STYXL1: variants seen among roughly 807,000 people sequenced by gnomAD.
STYXL1 encodes the protein serine/threonine/tyrosine-interacting-like protein 1.
In STYXL1, 32 loss-of-function variants were observed where a neutral mutation model predicts 36.4. The ratio of observed to expected loss-of-function variants is 0.88; its 90% CI spans 0.66 to 1.18. STYXL1 has a LOEUF of 1.18. STYXL1 is among the 50% of genes most tolerant of loss of function. The pLI, the probability that STYXL1 is intolerant of heterozygous loss-of-function variation, is 0.00. For synonymous variants in STYXL1, 133 were observed against 144.1 expected, an observed-to-expected ratio of 0.92 and a Z score of 0.55; for missense variants, 354 against 394.1, an observed-to-expected ratio of 0.90 and a Z score of 0.86.
intron 5 of STYXL1, among the ~76,000 whole-genome samples, chr7:76,008,314 C>T (rs527648081): frequency 5.2e-4 from 78 of 151,326 alleles, no homozygotes; most frequent in Non-Finnish European, 1.0e-3. Context: ...AGACCACTTT[C>T]TCCATTATTA....
chr7:76,010,373 A>C (rs948479989), intron 5 of STYXL1, among the ~76,000 whole-genome samples: 5 of 152,182 alleles, frequency 3.3e-5, no homozygotes, highest in African/African-American at 1.2e-4. Flanking sequence ...GGATCTGGGA[A>C]CATGTCTGAC....
At chr7:76,021,038 G>A (rs189649871) in intron 4 of STYXL1, among the ~76,000 whole-genome samples, 1 of 152,110 alleles carries the variant, frequency 6.6e-6, no homozygotes, top group Non-Finnish European at 1.5e-5. Context: ...ACAGCTGTTT[G>A]ATGTGTATTG....
intron 1 of STYXL1, among the ~76,000 whole-genome samples, chr7:76,031,398 G>A (rs1554579285): frequency 1.4e-5 from 2 of 145,852 alleles, no homozygotes; most frequent in Non-Finnish European, 3.0e-5. Context: ...GAGTAACCAA[G>A]GAAGTGATCA....
At chr7:76,011,100 C>T (rs533869118) in intron 5 of STYXL1, among the ~76,000 whole-genome samples, 2 of 152,198 alleles carry the variant, frequency 1.3e-5, no homozygotes, top group East Asian at 3.9e-4. Context: ...TCTGTAGTCC[C>T]ACCTACTCAA....
rs1055699510 is a variant in STYXL1, at chr7:76,047,870, T to G, written c.-213A>C. 141 of 1,351,744 alleles carry G rather than the reference T, an allele frequency of 1.0e-4. No homozygotes were observed. Among genetic ancestry groups the G allele is most frequent in the Admixed American group, 6.2e-5 (2 of 32,132 alleles). The allele number at this position is 1,351,744 out of a possible 1,614,324, so 83.7% of individuals were successfully genotyped here. A position where few individuals can be genotyped will look rare whatever the true frequency, so the allele number is the denominator to read the frequency against. On this transcript the variant is annotated 5_prime_UTR_variant, in exon 1 of 9. Transcript: ENST00000359697. Reference sequence around the variant, plus strand: ...CTAAAGCCCGTCCTCTTCCACCTCTTGGGTGCAGACTGGCCCTCCCACTCC... The same window carrying G: ...CTAAAGCCCGTCCTCTTCCACCTCTGGGGTGCAGACTGGCCCTCCCACTCC...
chr7:76,033,634 ACCT>A (rs1359787919), intron 1 of STYXL1, among the ~76,000 whole-genome samples: 1 of 151,874 alleles, frequency 6.6e-6, no homozygotes, highest in African/African-American at 2.4e-5. Flanking sequence ...GATCCTTCTC[ACCT>A]CCTCAAAGAC....
At chr7:76,045,561 G>A (rs1236800435) in intron 1 of STYXL1, 1 of 152,236 alleles carries the variant, frequency 6.6e-6, no homozygotes, top group South Asian at 2.1e-4. Flanking sequence ...GCCAGGTGTG[G>A]TGGTGCACAC....
intron 5 of STYXL1, among the ~76,000 whole-genome samples, chr7:76,013,343 A>AG (rs1309312479): frequency 2.0e-4 from 30 of 150,756 alleles, no homozygotes; most frequent in South Asian, 1.7e-3. Flanking sequence ...AAAAAAAAAA[A>AG]GTGGAGGAGA....
In STYXL1 at chr7:76,041,122, A is replaced by G. The variant is rs1201847549; in HGVS notation, c.-5+6540T>C. Among the ~76,000 whole-genome samples the G allele has an allele frequency of 4.0e-5, 6 of 151,240 alleles. No individual in the cohort carries two copies. In the South Asian group the frequency reaches 6.3e-4, roughly 16 times the overall value. ...GAGGCTGAGCTGGGAGAATCACTTG[A>G]GGCCAGGAATTCAAGACCAGCCTGA... On this transcript the variant is annotated intron_variant, in intron 1 of 8. Transcript: ENST00000359697.
chr7:76,029,811 T>C (rs1478274510), intron 2 of STYXL1, among the ~76,000 whole-genome samples: 1 of 151,966 alleles, frequency 6.6e-6, no homozygotes, highest in African/African-American at 2.4e-5. Context: ...CCTGTGAGAA[T>C]CTAATGCTGC....
At chr7:76,000,218 C>CAAAAAAAA (rs35153306) in intron 8 of STYXL1, among the ~76,000 whole-genome samples, 1 of 69,458 alleles carries the variant, frequency 1.4e-5, no homozygotes. Flanking sequence ...GACTCCATCT[C>CAAAAAAAA]AAAAAAAAAA....
At chr7:76,041,374 GTGTGTTATGGTT>G (rs1464445419) in intron 1 of STYXL1, among the ~76,000 whole-genome samples, 1 of 152,010 alleles carries the variant, frequency 6.6e-6, no homozygotes, top group Non-Finnish European at 1.5e-5. Context: ...GGTGAGGAGG[GTGTGTTATGGTT>G]TGAATATGGT....
chr7:76,012,307 G>T (rs913083697), intron 5 of STYXL1, among the ~76,000 whole-genome samples: 2 of 152,036 alleles, frequency 1.3e-5, no homozygotes, highest in Non-Finnish European at 2.9e-5. Context: ...ACAGGGTCTT[G>T]CTTCGTCAAC....
chr7:76,023,234 A>G (rs1585268813), intron 3 of STYXL1, among the ~76,000 whole-genome samples: 1 of 152,210 alleles, frequency 6.6e-6, no homozygotes, highest in East Asian at 1.9e-4. Context: ...CACGAACCCC[A>G]GCAATGCTCA....
At chr7:76,014,690 A>G (rs1295663204) in intron 4 of STYXL1, among the ~76,000 whole-genome samples, 1 of 151,838 alleles carries the variant, frequency 6.6e-6, no homozygotes, top group Non-Finnish European at 1.5e-5. Context: ...GTATTGTATG[A>G]TGTCATACAA....
In STYXL1 at chr7:76,024,756, C is replaced by T. The variant is rs185157701; in HGVS notation, c.166-2764G>A. ...ACAAGGTCAGGAGTTTGAGACCAGC[C>T]TGACCAATATGGTGAAACTCCATCT... is the stretch of plus-strand genomic sequence containing the variant. On this transcript the variant is annotated intron_variant, in intron 3 of 8. Transcript: ENST00000359697. 3.3e-3 allele frequency among the ~76,000 whole-genome samples: 501 copies of T among 152,142 alleles called. 3 individuals are homozygous for T. Among genetic ancestry groups the T allele is most frequent in the African/African-American group, 0.011 (477 of 41,506 alleles).
At chr7:76,008,432 T>C (rs1179254752) in intron 5 of STYXL1, among the ~76,000 whole-genome samples, 1 of 151,960 alleles carries the variant, frequency 6.6e-6, no homozygotes. Flanking sequence ...GGCGTGTGGG[T>C]CCTTCAGAGC....
chr7:76,027,276 T>C (rs755206244), intron 3 of STYXL1, among the ~76,000 whole-genome samples: 1 of 151,344 alleles, frequency 6.6e-6, no homozygotes, highest in Non-Finnish European at 1.5e-5. Context: ...TGCAGGGCTC[T>C]GTCCACTCCT....
At position 76,010,436 on chromosome 7, in the gene STYXL1, C is replaced by T. The variant is rs190134937; in HGVS notation, c.453+3306G>A. On this transcript the variant is annotated intron_variant, in intron 5 of 8. Transcript: ENST00000359697. Reference sequence around the variant, plus strand: ...ATTCCGGTGAAGGAATGTGGGCATGCGGGGCAGGGGACGGGTCATGGGCTT... The same window carrying T: ...ATTCCGGTGAAGGAATGTGGGCATGTGGGGCAGGGGACGGGTCATGGGCTT... Among the ~76,000 whole-genome samples, 514 of 147,436 alleles carry T rather than the reference C, an allele frequency of 3.5e-3. 6 individuals carry two copies. Among genetic ancestry groups the T allele is most frequent in the Non-Finnish European group, 2.5e-3 (167 of 67,876 alleles).
Sources: gnomAD v4.1 joint callset for allele counts (sites outside exome capture counted in the v4.1 genomes callset) on GRCh38, gnomAD v4.1.1 for gene constraint, MANE v1.5 for transcripts, NCBI Gene and HGNC (gene_info 2026-07-23, HGNC 2026-07-21) for gene names.